Variants in CDH13 observed in about 807,000 individuals in gnomAD.
CDH13 encodes the protein cadherin 13, also known as cadherin-13.
A neutral mutation model predicts 63.8 loss-of-function variants in CDH13; 24 were observed. That is an observed-to-expected ratio of 0.38 (90% CI 0.27 to 0.53). The LOEUF is 0.53. CDH13 is among the 20% of genes least tolerant of loss of function. The probability of loss-of-function intolerance (pLI) is 0.85; values close to 1 mark genes in which losing one functional copy is unlikely to be tolerated. For synonymous variants in CDH13, 503 were observed against 355.3 expected, an observed-to-expected ratio of 1.42 and a Z score of -4.67; for missense variants, 1,049 against 903.1, an observed-to-expected ratio of 1.16 and a Z score of -2.07.
chr16:83,072,391 A>G (rs1345411464), intron 3 of CDH13, among the ~76,000 whole-genome samples: 1 of 152,232 alleles, frequency 6.6e-6, no homozygotes, highest in African/African-American at 2.4e-5. Flanking sequence ...ACATTACAAT[A>G]TGATCCTGTC....
chr16:82,822,497 T>C (rs1164486087), intron 1 of CDH13, among the ~76,000 whole-genome samples: 4 of 152,186 alleles, frequency 2.6e-5, no homozygotes, highest in African/African-American at 7.2e-5. Flanking sequence ...ACTGTTCCAG[T>C]TATCTTTTTT....
intron 1 of CDH13, among the ~76,000 whole-genome samples, chr16:82,815,560 G>T (rs2037663894): frequency 1.3e-5 from 2 of 152,170 alleles, no homozygotes. Context: ...TTTCATTAAA[G>T]CCCACTGCTC....
In CDH13 at chr16:83,678,255, G is replaced by A. The variant is rs1456699597; in HGVS notation, c.1332G>A (p.Val444=). ...ISAFHTLLIK[V]ENEDPLVPDV... Reference sequence around the variant, plus strand: ...CCTTCCACACCCTGCTGATCAAAGTGGAAAATGAAGACCCACTCGTACCCG... The same window carrying A: ...CCTTCCACACCCTGCTGATCAAAGTAGAAAATGAAGACCCACTCGTACCCG... Residue 444 remains valine (V), a synonymous_variant, in exon 10 of 14, where the codon GTG becomes GTA. Coordinates refer to ENST00000567109, the MANE Select transcript of CDH13 (RefSeq NM_001257.5). 6.2e-7 allele frequency: 1 copy of A among 1,613,758 alleles called. No individual in the cohort carries two copies.
intron 1 of CDH13, among the ~76,000 whole-genome samples, chr16:82,737,234 C>G (rs1402756322): frequency 6.6e-6 from 1 of 152,230 alleles, no homozygotes; most frequent in Non-Finnish European, 1.5e-5. Flanking sequence ...TTATTTAATG[C>G]TATTTCCATT....
chr16:83,276,039 A>C (rs1024361823), intron 5 of CDH13, among the ~76,000 whole-genome samples: 3 of 152,164 alleles, frequency 2.0e-5, no homozygotes, highest in African/African-American at 7.2e-5. Context: ...AGTTAATTAG[A>C]ACCTGAACAC....
intron 6 of CDH13, among the ~76,000 whole-genome samples, chr16:83,356,826 C>G (rs1311065359): frequency 6.6e-6 from 1 of 152,138 alleles, no homozygotes; most frequent in Non-Finnish European, 1.5e-5. Context: ...GTTTAATAGA[C>G]TTACAGCTTT....
At chr16:83,611,707 T>A (rs993544860) in intron 8 of CDH13, among the ~76,000 whole-genome samples, 3 of 152,138 alleles carry the variant, frequency 2.0e-5, no homozygotes, top group Non-Finnish European at 4.4e-5. Context: ...ACATAATATG[T>A]GCTATGATGT....
chr16:82,808,837 C>T (rs1437222031), intron 1 of CDH13, among the ~76,000 whole-genome samples: 1 of 152,064 alleles, frequency 6.6e-6, no homozygotes, highest in Non-Finnish European at 1.5e-5. Context: ...TGTGAGTCTG[C>T]CAAAAATTAA....
chr16:82,810,107 C>T (rs989068061), intron 1 of CDH13, among the ~76,000 whole-genome samples: 2 of 152,156 alleles, frequency 1.3e-5, no homozygotes, highest in South Asian at 2.1e-4. Flanking sequence ...CATCATTGAT[C>T]GAAGTAAGAA....
chr16:83,497,227 C>T (rs879528966), intron 7 of CDH13, among the ~76,000 whole-genome samples: 27 of 151,940 alleles, frequency 1.8e-4, no homozygotes, highest in East Asian at 3.9e-4. Flanking sequence ...TTTATTGCGG[C>T]ACTATTCACA....
chr16:82,773,676 A>G (rs1285923670), intron 1 of CDH13, among the ~76,000 whole-genome samples: 1 of 152,200 alleles, frequency 6.6e-6, no homozygotes, highest in Non-Finnish European at 1.5e-5. Context: ...AGTTACCATT[A>G]TGAAGTAACT....
chr16:82,990,464 C>T (rs927862042), intron 2 of CDH13, among the ~76,000 whole-genome samples: 1 of 152,008 alleles, frequency 6.6e-6, no homozygotes, highest in Admixed American at 6.5e-5. Flanking sequence ...TTCAGGATTT[C>T]AAATAACTTG....
chr16:83,440,217 A>G (rs2151494016), intron 6 of CDH13, among the ~76,000 whole-genome samples: 1 of 152,386 alleles, frequency 6.6e-6, no homozygotes, highest in Non-Finnish European at 1.5e-5. Context: ...TGTGGGTCAC[A>G]GAGTTGTAGA....
At chr16:82,655,851 G>A (rs963313454) in intron 1 of CDH13, among the ~76,000 whole-genome samples, 1 of 152,164 alleles carries the variant, frequency 6.6e-6, no homozygotes, top group Non-Finnish European at 1.5e-5. Context: ...CAGATAGGAA[G>A]CAATGCCTTC....
chr16:82,834,964 A>G (rs919697396), intron 1 of CDH13, among the ~76,000 whole-genome samples: 2 of 152,204 alleles, frequency 1.3e-5, no homozygotes, highest in African/African-American at 4.8e-5. Context: ...CTTTAAGAAA[A>G]TGTTTGCTCA....
chr16:82,716,048 G>A (rs1263622370), intron 1 of CDH13, among the ~76,000 whole-genome samples: 9 of 152,154 alleles, frequency 5.9e-5, no homozygotes, highest in African/African-American at 1.2e-4. Flanking sequence ...GCCTAAAGTC[G>A]GATAAGGAAA....
At chr16:83,598,344 G>A (rs914684055) in intron 7 of CDH13, among the ~76,000 whole-genome samples, 1 of 152,080 alleles carries the variant, frequency 6.6e-6, no homozygotes, top group Admixed American at 6.6e-5. Context: ...CAGCCTGAAC[G>A]ACAGAGTGAG....
intron 10 of CDH13, among the ~76,000 whole-genome samples, chr16:83,730,073 G>A: frequency 6.6e-6 from 1 of 152,184 alleles, no homozygotes; most frequent in Admixed American, 6.5e-5. Context: ...TTGTCATCTT[G>A]TCATGCTGTG....
chr16:83,379,938 T>TATAGAGAGAGAGAGAGAGAGAGAG, intron 6 of CDH13, among the ~76,000 whole-genome samples: 2 of 123,460 alleles, frequency 1.6e-5, no homozygotes, highest in Non-Finnish European at 3.3e-5. Flanking sequence ...TATATATATA[T>TATAGAGAGAGAGAGAGAGAGAGAG]AGAGAGAGAG....
Sources: allele counts gnomAD v4.1 joint callset (sites outside exome capture counted in the v4.1 genomes callset), GRCh38; gene constraint gnomAD v4.1.1; transcripts MANE v1.5; gene names NCBI Gene and HGNC (gene_info 2026-07-23, HGNC 2026-07-21).